LRRC69: variants seen among roughly 807,000 people sequenced by gnomAD.
The protein encoded by LRRC69 is leucine rich repeat containing 69.
Under a neutral mutation model 37.8 loss-of-function variants are expected in LRRC69, and 42 were observed. That is an observed-to-expected ratio of 1.11 (90% CI 0.87 to 1.44). The LOEUF is 1.44. LRRC69 is among the 40% of genes most tolerant of loss of function. LRRC69 has a pLI of 0.00. For missense variants in LRRC69, 357 were observed against 401.9 expected, an observed-to-expected ratio of 0.89 and a Z score of 0.96; for synonymous variants, 141 against 143.1, an observed-to-expected ratio of 0.99 and a Z score of 0.11.
intron 1 of LRRC69, among the ~76,000 whole-genome samples, chr8:91,116,634 T>C (rs1447736843): frequency 6.6e-6 from 1 of 151,768 alleles, no homozygotes; most frequent in Non-Finnish European, 1.5e-5. Context: ...CTGAAGACAG[T>C]GGAGGGTAGG....
chr8:91,192,920 C>T (rs1388266262), intron 6 of LRRC69, among the ~76,000 whole-genome samples: 2 of 152,066 alleles, frequency 1.3e-5, no homozygotes, highest in Non-Finnish European at 2.9e-5. Flanking sequence ...AAGTCCTTGC[C>T]CAAGCCTATG....
At chr8:91,186,115 G>T (rs1229247793) in intron 5 of LRRC69, among the ~76,000 whole-genome samples, 3 of 152,142 alleles carry the variant, frequency 2.0e-5, no homozygotes, top group East Asian at 1.9e-4. Flanking sequence ...TCTTGAGTGC[G>T]CAGGGAGAAG....
At chr8:91,153,424 C>T (rs933290336) in intron 5 of LRRC69, among the ~76,000 whole-genome samples, 2 of 150,204 alleles carry the variant, frequency 1.3e-5, no homozygotes, top group African/African-American at 2.4e-5. Flanking sequence ...TTCTCAGTGC[C>T]ACGTGGTACT....
Position 91,204,768 on chromosome 8 carries a change from C to T in LRRC69, c.933+3976C>T, listed in dbSNP as rs1261075101. Reference sequence around the variant, plus strand: ...TTCTAACTCCTGGATGAGATCATCACTACTTAGGTTCAGAGATACATTATC... The same window carrying T: ...TTCTAACTCCTGGATGAGATCATCATTACTTAGGTTCAGAGATACATTATC... On this transcript the variant is annotated intron_variant, in intron 7 of 7. Coordinates refer to ENST00000448384, the Ensembl canonical transcript of LRRC69. 2.0e-5 allele frequency among the ~76,000 whole-genome samples: 3 copies of T among 152,202 alleles called. No homozygotes were observed. In the East Asian group the frequency reaches 5.8e-4, roughly 29 times the overall value.
At chr8:91,154,513 A>T (rs13256862) in intron 5 of LRRC69, among the ~76,000 whole-genome samples, 7,970 of 151,952 alleles carry the variant, frequency 0.052, 298 homozygotes, top group Middle Eastern at 0.16. Context: ...AGCACATCAC[A>T]AAGTTTATCC....
intron 5 of LRRC69, among the ~76,000 whole-genome samples, chr8:91,162,226 C>T (rs1808957953): frequency 6.6e-6 from 1 of 151,440 alleles, no homozygotes; most frequent in African/African-American, 2.4e-5. Context: ...GTGTATTCTG[C>T]AGCTGTTGGA....
intron 7 of LRRC69, among the ~76,000 whole-genome samples, chr8:91,205,017 T>A (rs1809776506): frequency 6.6e-6 from 1 of 152,324 alleles, no homozygotes; most frequent in South Asian, 2.1e-4. Context: ...CTGTTACTGT[T>A]TTTTGCCTTT....
At chr8:91,184,187 G>A (rs145943839) in intron 5 of LRRC69, among the ~76,000 whole-genome samples, 2,102 of 152,244 alleles carry the variant, frequency 0.014, 40 homozygotes, top group African/African-American at 0.048. Context: ...GCTGAGGTGG[G>A]AGGATAGCTT....
intron 5 of LRRC69, among the ~76,000 whole-genome samples, chr8:91,176,402 C>T (rs1351447099): frequency 2.0e-5 from 3 of 151,934 alleles, no homozygotes; most frequent in African/African-American, 7.3e-5. Flanking sequence ...GCCTAGGCCT[C>T]CCAAAGTGCT....
rs533004339 is a variant in LRRC69 at position 91,167,457 on chromosome 8, G to A, written c.652-22065G>A. On this transcript the variant is annotated intron_variant, in intron 5 of 7. Transcript: ENST00000448384. ...CTCCGACAACACATGGAAATTGTGG[G>A]AGCTACAATTCAAGATTGGATTTGT... 1.9e-3 allele frequency among the ~76,000 whole-genome samples: 287 copies of A among 151,732 alleles called. 1 individual carries two copies. The highest frequency in any genetic ancestry group is 3.3e-3 in the Non-Finnish European group (225 of 67,920).
At chr8:91,157,526 C>T (rs1808858345) in intron 5 of LRRC69, 3 of 1,538,894 alleles carry the variant, frequency 1.9e-6, no homozygotes, top group Non-Finnish European at 2.7e-6. Context: ...TATTTGTTTC[C>T]TATAGTATTT....
At chr8:91,126,424 A>G (rs1327376888) in intron 2 of LRRC69, among the ~76,000 whole-genome samples, 1 of 152,024 alleles carries the variant, frequency 6.6e-6, no homozygotes, top group Admixed American at 6.6e-5. Flanking sequence ...ATGTTTTCAA[A>G]TCAGGAGAGT....
chr8:91,213,503 G>T (rs1262489344), intron 7 of LRRC69, among the ~76,000 whole-genome samples: 2 of 152,120 alleles, frequency 1.3e-5, no homozygotes, highest in Non-Finnish European at 2.9e-5. Context: ...ATTTTTGAGG[G>T]CCTGCTTTAA....
At chr8:91,138,694 CAA>C (rs1491201842) in intron 5 of LRRC69, 5 of 151,726 alleles carry the variant, frequency 3.3e-5, no homozygotes, top group Non-Finnish European at 5.9e-5. Flanking sequence ...TGTGTTGGAT[CAA>C]AAGAGTTTCT....
intron 7 of LRRC69, among the ~76,000 whole-genome samples, chr8:91,203,675 A>G (rs560415617): frequency 8.6e-4 from 130 of 151,900 alleles, no homozygotes; most frequent in South Asian, 4.8e-3. Context: ...CTGGGATTAC[A>G]AGCGTAAGCC....
intron 6 of LRRC69, among the ~76,000 whole-genome samples, chr8:91,199,280 T>C (rs1490740282): frequency 1.3e-5 from 2 of 152,188 alleles, no homozygotes; most frequent in Non-Finnish European, 1.5e-5. Context: ...ACCCTTGTAA[T>C]ATTAGTGTGA....
At chr8:91,104,301 T>C (rs2130468845) in intron 1 of LRRC69, among the ~76,000 whole-genome samples, 1 of 152,138 alleles carries the variant, frequency 6.6e-6, no homozygotes, top group Non-Finnish European at 1.5e-5. Flanking sequence ...TCACAAACTC[T>C]GAAGTTTTTA....
chr8:91,197,762 G>C (rs997470637), intron 6 of LRRC69, among the ~76,000 whole-genome samples: 8 of 151,960 alleles, frequency 5.3e-5, no homozygotes, highest in Non-Finnish European at 1.0e-4. Context: ...CTAGTGAGAT[G>C]AACCCGGTAC....
intron 7 of LRRC69, among the ~76,000 whole-genome samples, chr8:91,213,835 T>A (rs1809982871): frequency 1.3e-5 from 2 of 152,102 alleles, no homozygotes; most frequent in Admixed American, 1.3e-4. Flanking sequence ...ATCATGTTCA[T>A]AGGGCAGTGA....
Sources: gnomAD v4.1 joint callset for allele counts (sites outside exome capture counted in the v4.1 genomes callset) on GRCh38, gnomAD v4.1.1 for gene constraint, MANE v1.5 for transcripts, NCBI Gene and HGNC (gene_info 2026-07-23, HGNC 2026-07-21) for gene names.